NUP107: variants seen among roughly 807,000 people sequenced by gnomAD.
NUP107 encodes nuclear pore complex protein Nup107.
In NUP107, 101 loss-of-function variants were observed where a neutral mutation model predicts 141.0. That is an observed-to-expected ratio of 0.72 (90% CI 0.61 to 0.84). The LOEUF is 0.84. Ranked by LOEUF, NUP107 falls within the 40% of genes least tolerant of loss-of-function variation. The pLI is 0.00. For synonymous variants in NUP107, 319 were observed against 363.9 expected (o/e 0.88, Z 1.41); for missense variants, 941 against 1,102.7 (o/e 0.85, Z 2.08).
intron 8 of NUP107, chr12:68,706,772 T>C: frequency 1.3e-6 from 1 of 760,190 alleles, no homozygotes; most frequent in Non-Finnish European, 2.5e-6. Context: ...CAAGCTGGCC[T>C]TGGACATCAA....
chr12:68,713,434 G>A (rs1441610047), intron 10 of NUP107, among the ~76,000 whole-genome samples: 3 of 150,968 alleles, frequency 2.0e-5, no homozygotes, highest in South Asian at 2.1e-4. Context: ...CCACAGACTG[G>A]GATGTGTAGT....
Position 68,712,818 on chromosome 12 carries a change from C to G in NUP107, c.891-912C>G, listed in dbSNP as rs182862229. On this transcript the variant is annotated intron_variant, in intron 10 of 27. Transcript: ENST00000229179. ...AAGCAATCCAGCAGGGAATGGAATGCCTTTTTTACAAACTGCAGAAAAATG... is the reference window on the plus strand; with the variant it reads ...AAGCAATCCAGCAGGGAATGGAATGGCTTTTTTACAAACTGCAGAAAAATG... 1.6e-4 allele frequency among the ~76,000 whole-genome samples: 25 copies of G among 151,872 alleles called. No homozygotes were observed. The East Asian group carries it at 4.8e-3, about 29-fold the overall frequency.
At chr12:68,717,271 C>T (rs1877155231) in intron 12 of NUP107, among the ~76,000 whole-genome samples, 1 of 152,122 alleles carries the variant, frequency 6.6e-6, no homozygotes, top group African/African-American at 2.4e-5. Flanking sequence ...CTCAAGGTCT[C>T]ACTAGCTTTA....
intron 6 of NUP107, among the ~76,000 whole-genome samples, chr12:68,699,370 C>T (rs184232865): frequency 1.3e-5 from 2 of 151,740 alleles, no homozygotes; most frequent in Non-Finnish European, 1.5e-5. Context: ...GAGACTCCTC[C>T]GTCTCAAAAT....
chr12:68,727,051 G>A (rs1349208358), intron 19 of NUP107, among the ~76,000 whole-genome samples: 1 of 152,164 alleles, frequency 6.6e-6, no homozygotes, highest in Non-Finnish European at 1.5e-5. Flanking sequence ...TAGGAGTCCT[G>A]AGTATATACC....
chr12:68,732,103 A>G (rs1877856089), intron 22 of NUP107, among the ~76,000 whole-genome samples: 1 of 152,206 alleles, frequency 6.6e-6, no homozygotes, highest in East Asian at 1.9e-4. Flanking sequence ...CATACAATAT[A>G]TAATTCCAGA....
chr12:68,731,920 T>C (rs1877849341), intron 22 of NUP107, among the ~76,000 whole-genome samples: 1 of 152,158 alleles, frequency 6.6e-6, no homozygotes, highest in Non-Finnish European at 1.5e-5. Context: ...GCTTCTTTAA[T>C]AGAAAAAAAT....
Position 68,733,463 on chromosome 12 carries a change from C to T in NUP107, c.2113C>T (p.His705Tyr), listed in dbSNP as rs752543740. 1.9e-6 allele frequency: 3 copies of T among 1,609,010 alleles called. No individual in the cohort carries two copies. In the East Asian group the frequency reaches 6.7e-5, roughly 36 times the overall value. ...IMRKFLASKK[H>Y]EAAKEVFVKI... ...ATCTTTTTTCACAGCATCAAAAAAGCACGAAGCTGCAAAAGAAGTATTTGT... is the reference window on the plus strand; with the variant it reads ...ATCTTTTTTCACAGCATCAAAAAAGTACGAAGCTGCAAAAGAAGTATTTGT... Residue 705 changes from histidine to tyrosine, a missense_variant, in exon 24 of 28, where the codon CAC (histidine) becomes TAC (tyrosine). Physicochemically the swap from His to Tyr is moderately conservative, Grantham distance 83. Transcript: ENST00000229179.
Position 68,719,348 on chromosome 12 carries a change from G to T in NUP107, c.1091G>T (p.Arg364Leu). Residue 364 changes from arginine to leucine, a missense_variant, in exon 13 of 28, where the codon CGA (arginine) becomes CTA (leucine). Arg to Leu is a moderately radical substitution (Grantham distance 102). Coordinates refer to ENST00000229179, the MANE Select transcript of NUP107 (RefSeq NM_020401.4). ...TCTTTCTTGTTTTCTAAGGCACAAC[G>T]ACTCTGTAAACGCTGTGGTCAAGCA... ...IRAGMTEEAQ[R>L]LCKRCGQAWR... 1.2e-6 allele frequency: 2 copies of T among 1,613,836 alleles called. No homozygotes were observed. The highest frequency in any genetic ancestry group is 2.2e-5 in the South Asian group (2 of 91,014).
chr12:68,715,786 C>CCTG, intron 12 of NUP107, 46 bp downstream of exon 12: 1 of 1,206,202 alleles, frequency 8.3e-7, no homozygotes, highest in South Asian at 1.3e-5. Context: ...AAGTCATAGA[C>CCTG]TCTTTGAGTT....
At chr12:68,700,442 T>A (rs969341804) in intron 6 of NUP107, among the ~76,000 whole-genome samples, 1 of 152,172 alleles carries the variant, frequency 6.6e-6, no homozygotes, top group African/African-American at 2.4e-5. Flanking sequence ...TGGGTAGATA[T>A]ACAGGGAGAA....
chr12:68,702,707 C>CT, intron 7 of NUP107, 29 bp from the exon 8 acceptor site: 1 of 1,485,268 alleles, frequency 6.7e-7, no homozygotes. Flanking sequence ...TGAAATAAGG[C>CT]TTTTTTATTT....
chr12:68,714,825 C>T (rs185900414), intron 11 of NUP107, among the ~76,000 whole-genome samples: 4 of 152,236 alleles, frequency 2.6e-5, no homozygotes, highest in Admixed American at 1.3e-4. Flanking sequence ...TTTTATTAGG[C>T]ATTGGTGTTT....
intron 6 of NUP107, 136 bp downstream of exon 6, chr12:68,697,058 G>C: frequency 2.0e-6 from 1 of 511,596 alleles, no homozygotes; most frequent in Non-Finnish European, 3.5e-6. Context: ...AAGTCAACTA[G>C]AGCATCCCTG....
chr12:68,688,044 C>T (rs751387604), intron 1 of NUP107, among the ~76,000 whole-genome samples: 20 of 152,206 alleles, frequency 1.3e-4, no homozygotes, highest in Non-Finnish European at 2.4e-4. Flanking sequence ...AAAAAAAGTA[C>T]GTGTAGCTCA....
intron 26 of NUP107, chr12:68,740,356 A>G (rs185430488): frequency 1.3e-4 from 20 of 152,388 alleles, no homozygotes; most frequent in African/African-American, 4.6e-4. Context: ...CTCTGAAGGT[A>G]GCAAGTATCT....
At chr12:68,719,774 A>G in intron 14 of NUP107, 120 bp downstream of exon 14, 1 of 710,348 alleles carries the variant, frequency 1.4e-6, no homozygotes, top group Non-Finnish European at 2.5e-6. Context: ...TTCCAATTAA[A>G]TTGAGGAATA....
intron 20 of NUP107, among the ~76,000 whole-genome samples, 182 bp downstream of exon 20, chr12:68,727,571 C>T (rs749482722): frequency 1.4e-4 from 21 of 152,086 alleles, no homozygotes; most frequent in Non-Finnish European, 2.5e-4. Context: ...CCCACCGCCC[C>T]GCACAATCAA....
chr12:68,687,734 C>A, intron 1 of NUP107: 2 of 787,356 alleles, frequency 2.5e-6, no homozygotes, highest in Non-Finnish European at 3.1e-6. Context: ...TATGTGACTG[C>A]CATTGTTCTA....
Sources: allele counts gnomAD v4.1 joint callset (sites outside exome capture counted in the v4.1 genomes callset), GRCh38; gene constraint gnomAD v4.1.1; transcripts MANE v1.5; gene names NCBI Gene and HGNC (gene_info 2026-07-23, HGNC 2026-07-21).